Variants in TRAPPC9 observed in about 807,000 individuals in gnomAD.
TRAPPC9 encodes trafficking protein particle complex subunit 9.
In TRAPPC9, 83 loss-of-function variants were observed where a neutral mutation model predicts 124.0. The observed-to-expected ratio is 0.67, with a 90% CI of 0.56 to 0.80. The LOEUF (loss-of-function observed/expected upper bound fraction) is 0.80. TRAPPC9 is among the 30% of genes least tolerant of loss of function. TRAPPC9 has a pLI of 0.00. For missense variants in TRAPPC9, 1,302 were observed against 1,508.3 expected, an observed-to-expected ratio of 0.86 and a Z score of 2.27; for synonymous variants, 638 against 617.5, an observed-to-expected ratio of 1.03 and a Z score of -0.49.
intron 19 of TRAPPC9, among the ~76,000 whole-genome samples, chr8:139,982,710 GA>G (rs1836993244): frequency 6.6e-6 from 1 of 152,346 alleles, no homozygotes; most frequent in African/African-American, 2.4e-5. Context: ...CCTTTTAAAG[GA>G]GAGATTAGGA....
chr8:140,424,409 G>A (rs1357676987), intron 5 of TRAPPC9, among the ~76,000 whole-genome samples: 1 of 151,794 alleles, frequency 6.6e-6, no homozygotes, highest in Non-Finnish European at 1.5e-5. Context: ...GGGAGGCAAA[G>A]GTGAGAGGAT....
chr8:139,739,664 G>A (rs957977816), intron 21 of TRAPPC9, among the ~76,000 whole-genome samples: 4 of 152,248 alleles, frequency 2.6e-5, no homozygotes, highest in South Asian at 2.1e-4. Context: ...CCACACAGTA[G>A]AGGGCTTCCT....
chr8:139,889,325 G>A (rs956320541), intron 20 of TRAPPC9, among the ~76,000 whole-genome samples: 5 of 152,042 alleles, frequency 3.3e-5, no homozygotes, highest in African/African-American at 1.2e-4. Context: ...GAAAGCAGGT[G>A]GCCTAACCAC....
intron 19 of TRAPPC9, 26 bp from the exon 20 acceptor site, chr8:139,910,326 G>C: frequency 1.9e-6 from 3 of 1,614,026 alleles, no homozygotes; most frequent in Non-Finnish European, 2.5e-6. Flanking sequence ...AAACACAGCA[G>C]AGAATTCATC....
intron 7 of TRAPPC9, among the ~76,000 whole-genome samples, chr8:140,383,197 A>C (rs545586153): frequency 6.6e-6 from 1 of 152,302 alleles, no homozygotes; most frequent in East Asian, 1.9e-4. Context: ...GGTAGAAAAA[A>C]CCACAAAGAT....
intron 5 of TRAPPC9, among the ~76,000 whole-genome samples, chr8:140,406,807 T>C (rs2069510777): frequency 6.6e-6 from 1 of 152,194 alleles, no homozygotes; most frequent in Non-Finnish European, 1.5e-5. Context: ...TTCCTGCTGA[T>C]TTTGTGAAAA....
chr8:140,055,486 C>G (rs1842243842), intron 17 of TRAPPC9, among the ~76,000 whole-genome samples: 1 of 152,190 alleles, frequency 6.6e-6, no homozygotes, highest in Non-Finnish European at 1.5e-5. Flanking sequence ...ACTCTTGCCA[C>G]TTCTATTCAA....
intron 16 of TRAPPC9, among the ~76,000 whole-genome samples, chr8:140,228,443 C>T (rs774270315): frequency 9.9e-5 from 15 of 152,274 alleles, no homozygotes; most frequent in African/African-American, 3.1e-4. Flanking sequence ...ATAAAGAAAG[C>T]GGCATGCTCG....
At chr8:139,943,408 T>G (rs968331630) in intron 19 of TRAPPC9, among the ~76,000 whole-genome samples, 1 of 152,140 alleles carries the variant, frequency 6.6e-6, no homozygotes, top group Non-Finnish European at 1.5e-5. Flanking sequence ...GATAAACAAC[T>G]GCTAAATAAT....
At chr8:139,848,139 G>A (rs1173566109) in intron 21 of TRAPPC9, among the ~76,000 whole-genome samples, 1 of 152,232 alleles carries the variant, frequency 6.6e-6, no homozygotes. Context: ...GGAGGGACAG[G>A]CAGATGACAG....
intron 21 of TRAPPC9, among the ~76,000 whole-genome samples, chr8:139,857,018 G>A (rs1267372052): frequency 2.0e-5 from 3 of 152,122 alleles, no homozygotes; most frequent in Admixed American, 1.3e-4. Context: ...AAGGAGCAAC[G>A]GGACAGTCGG....
At chr8:140,102,420 T>C (rs1163355668) in intron 17 of TRAPPC9, among the ~76,000 whole-genome samples, 1 of 152,122 alleles carries the variant, frequency 6.6e-6, no homozygotes, top group African/African-American at 2.4e-5. Flanking sequence ...ATTTGGCACA[T>C]AGTGCTAGAC....
At chr8:140,415,847 C>T (rs113217836) in intron 5 of TRAPPC9, among the ~76,000 whole-genome samples, 40 of 151,936 alleles carry the variant, frequency 2.6e-4, no homozygotes, top group Middle Eastern at 3.2e-3. Context: ...TACCTGAAGT[C>T]CTAGCTACTC....
At chr8:140,131,022 T>C (rs1449566535) in intron 17 of TRAPPC9, among the ~76,000 whole-genome samples, 1 of 152,212 alleles carries the variant, frequency 6.6e-6, no homozygotes, top group East Asian at 1.9e-4. Flanking sequence ...TTTAATAAGC[T>C]GAAATTATAC....
intron 18 of TRAPPC9, among the ~76,000 whole-genome samples, chr8:140,006,414 T>C (rs1208288711): frequency 6.6e-6 from 1 of 152,202 alleles, no homozygotes; most frequent in African/African-American, 2.4e-5. Context: ...TGTAAAATGG[T>C]GCAACCACTT....
intron 20 of TRAPPC9, chr8:139,908,663 C>T (rs1319339986): frequency 6.6e-6 from 1 of 152,352 alleles, no homozygotes; most frequent in Non-Finnish European, 1.5e-5. Context: ...ACTCAATTTC[C>T]TTCATGGGAG....
intron 17 of TRAPPC9, among the ~76,000 whole-genome samples, chr8:140,127,108 G>A (rs1181232161): frequency 6.6e-6 from 1 of 152,200 alleles, no homozygotes; most frequent in Non-Finnish European, 1.5e-5. Flanking sequence ...TCCTCTCAAT[G>A]GGCTCTGGAA....
At chr8:140,421,179 A>T (rs1176414597) in intron 5 of TRAPPC9, among the ~76,000 whole-genome samples, 1 of 152,196 alleles carries the variant, frequency 6.6e-6, no homozygotes, top group Non-Finnish European at 1.5e-5. Context: ...TTTAAATAGA[A>T]TTCTAAAGTT....
chr8:140,275,901 G>C, intron 14 of TRAPPC9, 80 bp from the exon 15 acceptor site: 1 of 1,158,830 alleles, frequency 8.6e-7, no homozygotes, highest in Non-Finnish European at 1.3e-6. Context: ...TCCCAAAGAA[G>C]AATCACCATA....
Sources: gnomAD v4.1 joint callset for allele counts (sites outside exome capture counted in the v4.1 genomes callset) on GRCh38, gnomAD v4.1.1 for gene constraint, MANE v1.5 for transcripts, NCBI Gene and HGNC (gene_info 2026-07-23, HGNC 2026-07-21) for gene names.